Variants in OXCT1 observed in about 807,000 individuals in gnomAD.
OXCT1 encodes 3-oxoacid CoA-transferase 1.
Under a neutral mutation model 69.6 loss-of-function variants are expected in OXCT1, and 27 were observed. That is an observed-to-expected ratio of 0.39 (90% CI 0.29 to 0.54). The LOEUF (loss-of-function observed/expected upper bound fraction) is 0.54. OXCT1 is among the 20% of genes least tolerant of loss of function. The pLI, the probability that OXCT1 is intolerant of heterozygous loss-of-function variation, is 0.72. For missense variants in OXCT1, 437 were observed against 650.2 expected, an observed-to-expected ratio of 0.67 and a Z score of 3.57; for synonymous variants, 202 against 217.8, an observed-to-expected ratio of 0.93 and a Z score of 0.64.
intron 7 of OXCT1, among the ~76,000 whole-genome samples, chr5:41,831,124 T>A (rs1233647978): frequency 6.6e-6 from 1 of 152,172 alleles, no homozygotes; most frequent in Non-Finnish European, 1.5e-5. Flanking sequence ...GGCTCCAATG[T>A]CAAAAGTCAC....
chr5:41,745,949 A>T (rs1206688184), intron 15 of OXCT1, among the ~76,000 whole-genome samples: 3 of 152,192 alleles, frequency 2.0e-5, no homozygotes. Flanking sequence ...AGATGGATTC[A>T]CAGCCGAATT....
chr5:41,763,390 C>A (rs1330296251), intron 13 of OXCT1, among the ~76,000 whole-genome samples: 1 of 152,040 alleles, frequency 6.6e-6, no homozygotes, highest in Non-Finnish European at 1.5e-5. Context: ...CCGTTTGAAG[C>A]AGAACATAAT....
At chr5:41,750,135 G>GGTTT (rs1356289001) in intron 14 of OXCT1, among the ~76,000 whole-genome samples, 1 of 73,926 alleles carries the variant, frequency 1.4e-5, no homozygotes, top group African/African-American at 5.4e-5. Flanking sequence ...GTGTTTTTTG[G>GGTTT]TTTTTTTTTT....
At chr5:41,799,477 G>C (rs1227169728) in intron 11 of OXCT1, among the ~76,000 whole-genome samples, 3 of 152,138 alleles carry the variant, frequency 2.0e-5, no homozygotes, top group Non-Finnish European at 2.9e-5. Context: ...AAAATTGGTG[G>C]AAATATAAAA....
At chr5:41,839,552 C>T (rs917101412) in intron 7 of OXCT1, among the ~76,000 whole-genome samples, 10 of 152,168 alleles carry the variant, frequency 6.6e-5, no homozygotes, top group African/African-American at 2.2e-4. Context: ...GTAACATATA[C>T]TTCAGCAATT....
intron 15 of OXCT1, among the ~76,000 whole-genome samples, chr5:41,743,403 T>C (rs1743290984): frequency 6.6e-6 from 1 of 152,104 alleles, no homozygotes. Context: ...GGGTAGATTG[T>C]AAAAATTTTC....
intron 5 of OXCT1, among the ~76,000 whole-genome samples, chr5:41,849,076 A>G (rs1316004883): frequency 3.3e-5 from 5 of 152,212 alleles, no homozygotes; most frequent in Admixed American, 3.3e-4. Context: ...AAACACATTA[A>G]TAAAAGCTTT....
At chr5:41,791,711 G>C (rs542248607) in intron 13 of OXCT1, among the ~76,000 whole-genome samples, 35 of 152,306 alleles carry the variant, frequency 2.3e-4, no homozygotes, top group African/African-American at 8.2e-4. Context: ...TAGAGAAATA[G>C]ATGTATTTAA....
At chr5:41,834,639 T>C (rs1255235723) in intron 7 of OXCT1, among the ~76,000 whole-genome samples, 1 of 152,018 alleles carries the variant, frequency 6.6e-6, no homozygotes, top group East Asian at 1.9e-4. Flanking sequence ...TGATTATAAA[T>C]ATATACACAC....
chr5:41,824,091 C>A (rs938595722), intron 7 of OXCT1, among the ~76,000 whole-genome samples: 2 of 152,156 alleles, frequency 1.3e-5, no homozygotes, highest in Admixed American at 6.5e-5. Context: ...AATATACCAA[C>A]CGTCATTTGT....
chr5:41,858,138 C>A (rs1402677398), intron 3 of OXCT1, among the ~76,000 whole-genome samples: 1 of 152,144 alleles, frequency 6.6e-6, no homozygotes, highest in African/African-American at 2.4e-5. Context: ...CCTGGCATAG[C>A]AATCAAGCAG....
intron 13 of OXCT1, among the ~76,000 whole-genome samples, chr5:41,786,896 G>A (rs1258975410): frequency 6.6e-6 from 1 of 152,116 alleles, no homozygotes. Flanking sequence ...GAGCAACACT[G>A]GAATTTGAAG....
intron 7 of OXCT1, among the ~76,000 whole-genome samples, chr5:41,815,346 A>T (rs1301816671): frequency 6.6e-6 from 1 of 152,088 alleles, no homozygotes; most frequent in Non-Finnish European, 1.5e-5. Flanking sequence ...CTTTATTTTT[A>T]TTTTATTTTA....
intron 13 of OXCT1, among the ~76,000 whole-genome samples, chr5:41,770,736 T>C (rs1217499159): frequency 1.3e-5 from 2 of 152,170 alleles, no homozygotes; most frequent in Non-Finnish European, 2.9e-5. Context: ...TCACAAAGGG[T>C]AAAATCCATT....
chr5:41,745,073 C>T (rs1240792775), intron 15 of OXCT1, among the ~76,000 whole-genome samples: 3 of 152,140 alleles, frequency 2.0e-5, no homozygotes, highest in African/African-American at 7.2e-5. Flanking sequence ...ACAGAACTCT[C>T]CACCCCAAAT....
intron 13 of OXCT1, among the ~76,000 whole-genome samples, chr5:41,773,401 C>G (rs186806965): frequency 2.4e-4 from 36 of 150,452 alleles, no homozygotes; most frequent in Non-Finnish European, 2.7e-4. Context: ...ATGGTAAAAC[C>G]CTGTCTCTAC....
chr5:41,856,551 A>G (rs916345996), intron 3 of OXCT1, among the ~76,000 whole-genome samples: 1 of 152,082 alleles, frequency 6.6e-6, no homozygotes, highest in African/African-American at 2.4e-5. Context: ...TCAGAATTTC[A>G]TTTCCAAACC....
intron 3 of OXCT1, among the ~76,000 whole-genome samples, chr5:41,854,460 C>T (rs763687966): frequency 1.3e-5 from 2 of 152,036 alleles, no homozygotes; most frequent in Non-Finnish European, 2.9e-5. Context: ...AATTATTTTT[C>T]CATTTCAGTC....
chr5:41,753,066 T>C (rs1176192101), intron 14 of OXCT1, among the ~76,000 whole-genome samples: 5 of 152,108 alleles, frequency 3.3e-5, no homozygotes, highest in Non-Finnish European at 4.4e-5. Flanking sequence ...TAAATAGTAA[T>C]AAATCCCTTT....
Sources: allele counts gnomAD v4.1 joint callset (sites outside exome capture counted in the v4.1 genomes callset), GRCh38; gene constraint gnomAD v4.1.1; transcripts MANE v1.5; gene names NCBI Gene and HGNC (gene_info 2026-07-23, HGNC 2026-07-21).